AKAP6: variants seen among roughly 807,000 people sequenced by gnomAD.
AKAP6 encodes A-kinase anchor protein 6.
In AKAP6, 58 loss-of-function variants were observed where a neutral mutation model predicts 188.5. The ratio of observed to expected loss-of-function variants is 0.31; its 90% CI spans 0.25 to 0.38. The LOEUF is 0.38. AKAP6 is among the 10% of genes least tolerant of loss of function. The probability of loss-of-function intolerance (pLI) is 1.00; values close to 1 mark genes in which losing one functional copy is unlikely to be tolerated. For missense variants in AKAP6, 2,710 were observed against 2,740.0 expected, an observed-to-expected ratio of 0.99 and a Z score of 0.24; for synonymous variants, 989 against 998.6, an observed-to-expected ratio of 0.99 and a Z score of 0.18.
At chr14:32,379,252 T>C (rs1888265123) in intron 1 of AKAP6, among the ~76,000 whole-genome samples, 1 of 152,114 alleles carries the variant, frequency 6.6e-6, no homozygotes, top group South Asian at 2.1e-4. Flanking sequence ...CAGTATGAAA[T>C]TACTTCAGAC....
chr14:32,771,400 A>T (rs1177192425), intron 11 of AKAP6, among the ~76,000 whole-genome samples: 1 of 152,072 alleles, frequency 6.6e-6, no homozygotes, highest in Non-Finnish European at 1.5e-5. Context: ...TTGAATATCA[A>T]CAGTAATTGC....
intron 5 of AKAP6, among the ~76,000 whole-genome samples, chr14:32,583,964 G>A (rs1009612721): frequency 1.4e-4 from 22 of 152,308 alleles, no homozygotes; most frequent in Admixed American, 9.1e-4. Context: ...TTTGGCTCGC[G>A]CACGGTGCGC....
chr14:32,822,162 C>A lies in AKAP6; in HGVS notation c.4349C>A (p.Thr1450Asn), dbSNP rs367910480. ...GATTTAAACAGTATTACCAAACATACCCCTGACTGTTTGGGAGAAGAATTA... is the reference window on the plus strand; with the variant it reads ...GATTTAAACAGTATTACCAAACATAACCCTGACTGTTTGGGAGAAGAATTA... ...VGDLNSITKH[T>N]PDCLGEELQG... is the part of the protein sequence containing the mutation. The change falls in exon 13 of 14, where the codon ACC becomes AAC. Residue 1450 changes from threonine (T) to asparagine (N), a missense_variant. Transcript: ENST00000280979. The A allele has an allele frequency of 3.1e-6, 5 of 1,613,836 alleles. No homozygotes were observed. In the Admixed American group the frequency reaches 5.0e-5, roughly 16 times the overall value.
At chr14:32,721,074 T>G (rs562406612) in intron 9 of AKAP6, among the ~76,000 whole-genome samples, 9 of 152,338 alleles carry the variant, frequency 5.9e-5, no homozygotes, top group African/African-American at 2.2e-4. Context: ...TATTACATAA[T>G]TGCATAACTA....
chr14:32,705,398 A>G (rs1384003691), intron 9 of AKAP6, among the ~76,000 whole-genome samples: 3 of 152,192 alleles, frequency 2.0e-5, no homozygotes, highest in Non-Finnish European at 2.9e-5. Flanking sequence ...GAACAAAAAC[A>G]GATGTTATCT....
chr14:32,699,152 G>A (rs561852997), intron 9 of AKAP6, among the ~76,000 whole-genome samples: 1 of 152,136 alleles, frequency 6.6e-6, no homozygotes, highest in South Asian at 2.1e-4. Flanking sequence ...TTCAACATTA[G>A]GCATTACCTT....
intron 2 of AKAP6, among the ~76,000 whole-genome samples, chr14:32,453,292 G>A (rs1890997849): frequency 6.6e-6 from 1 of 152,284 alleles, no homozygotes; most frequent in East Asian, 1.9e-4. Context: ...CTGACATGTG[G>A]CAGAATCTAG....
intron 2 of AKAP6, among the ~76,000 whole-genome samples, chr14:32,521,770 A>G (rs1881846508): frequency 6.6e-6 from 1 of 152,216 alleles, no homozygotes; most frequent in South Asian, 2.1e-4. Flanking sequence ...GCCCAAGGTA[A>G]TTTATAGATT....
intron 9 of AKAP6, among the ~76,000 whole-genome samples, chr14:32,721,876 A>G (rs1438288894): frequency 2.0e-5 from 3 of 152,136 alleles, no homozygotes; most frequent in African/African-American, 7.2e-5. Context: ...TTTAGGCTCT[A>G]TCTCCCAGGC....
chr14:32,648,584 T>G (rs1279415778), intron 7 of AKAP6, among the ~76,000 whole-genome samples: 1 of 152,168 alleles, frequency 6.6e-6, no homozygotes, highest in East Asian at 1.9e-4. Flanking sequence ...AAACTGTATC[T>G]TAGCTTACTT....
chr14:32,758,706 C>T (rs1364262469), intron 11 of AKAP6, among the ~76,000 whole-genome samples: 1 of 152,144 alleles, frequency 6.6e-6, no homozygotes, highest in Non-Finnish European at 1.5e-5. Flanking sequence ...GCACTCCACC[C>T]TGGGCAACAA....
chr14:32,798,123 G>T (rs10146285), intron 12 of AKAP6, among the ~76,000 whole-genome samples: 73,835 of 151,848 alleles, frequency 0.49, 18,115 homozygotes, highest in African/African-American at 0.5. Context: ...CATGTATGCA[G>T]CCAACAAACA....
chr14:32,583,937 G>A (rs1234279304), intron 5 of AKAP6, among the ~76,000 whole-genome samples: 1 of 152,212 alleles, frequency 6.6e-6, no homozygotes, highest in Non-Finnish European at 1.5e-5. Context: ...CCCGAGGGAG[G>A]CAATGCCTCG....
chr14:32,598,312 C>T (rs1885787483), intron 5 of AKAP6, among the ~76,000 whole-genome samples: 1 of 152,078 alleles, frequency 6.6e-6, no homozygotes, highest in African/African-American at 2.4e-5. Flanking sequence ...TTTGGCCACA[C>T]AGTATTTCAA....
At chr14:32,363,225 T>C (rs1412277844) in intron 1 of AKAP6, among the ~76,000 whole-genome samples, 1 of 152,200 alleles carries the variant, frequency 6.6e-6, no homozygotes, top group Non-Finnish European at 1.5e-5. Flanking sequence ...GACTATGTAC[T>C]AAGTGCTGTG....
rs201899691 is a variant in AKAP6 at position 32,530,880 on chromosome 14, TAAAAAAC to T, written c.325-4646_325-4640del. Reference sequence around the variant, plus strand: ...TCTCACATAAGCATACAACCCAATTTAAAAAACAAAAAACAAAAAACAAAAAACAAAA... The same window carrying T: ...TCTCACATAAGCATACAACCCAATTTAAAAAACAAAAAACAAAAAACAAAA... On this transcript the variant is annotated intron_variant, in intron 2 of 13. Coordinates refer to ENST00000280979, the MANE Select transcript of AKAP6 (RefSeq NM_004274.5). Among the ~76,000 whole-genome samples, 903 of 151,764 alleles carry T rather than the reference TAAAAAAC, an allele frequency of 6.0e-3. 1 individual carries two copies. The highest frequency in any genetic ancestry group is 9.0e-3 in the African/African-American group (371 of 41,348).
At chr14:32,706,324 G>A (rs921625694) in intron 9 of AKAP6, among the ~76,000 whole-genome samples, 55 of 152,254 alleles carry the variant, frequency 3.6e-4, no homozygotes, top group Admixed American at 1.5e-3. Flanking sequence ...CTAATCATCA[G>A]GCTGTTCTGT....
chr14:32,380,327 G>C (rs1888311508), intron 1 of AKAP6, among the ~76,000 whole-genome samples: 1 of 152,168 alleles, frequency 6.6e-6, no homozygotes, highest in Non-Finnish European at 1.5e-5. Context: ...TGTAGTACAT[G>C]ATCGAGCGAC....
intron 5 of AKAP6, among the ~76,000 whole-genome samples, chr14:32,585,099 G>A (rs1052593343): frequency 1.2e-4 from 19 of 152,044 alleles, no homozygotes; most frequent in African/African-American, 4.1e-4. Flanking sequence ...AGCAGAGCAG[G>A]TCAGCAGTTT....
Sources: gnomAD v4.1 joint callset for allele counts (sites outside exome capture counted in the v4.1 genomes callset) on GRCh38, gnomAD v4.1.1 for gene constraint, MANE v1.5 for transcripts, NCBI Gene and HGNC (gene_info 2026-07-23, HGNC 2026-07-21) for gene names.